Variants in ANO2 observed in about 807,000 individuals in gnomAD.
The protein encoded by ANO2 is anoctamin-2.
ANO2 carries 101 observed loss-of-function variants against 124.2 expected under a neutral mutation model. The ratio of observed to expected loss-of-function variants is 0.81; its 90% CI spans 0.69 to 0.96. The LOEUF is 0.96. ANO2 is among the 40% of genes least tolerant of loss of function. The pLI is 0.00. For missense variants in ANO2, 1,293 were observed against 1,274.5 expected, an observed-to-expected ratio of 1.01 and a Z score of -0.22; for synonymous variants, 486 against 482.5, an observed-to-expected ratio of 1.01 and a Z score of -0.09.
At chr12:5,854,260 G>C (rs953740323) in intron 3 of ANO2, 119 bp from the exon 4 acceptor site, 1 of 897,188 alleles carries the variant, frequency 1.1e-6, no homozygotes, top group Non-Finnish European at 1.7e-6. Flanking sequence ...TCTCGTTTTC[G>C]TTCTCTTTAA....
At chr12:5,819,894 T>C (rs1953730019) in intron 7 of ANO2, among the ~76,000 whole-genome samples, 1 of 152,214 alleles carries the variant, frequency 6.6e-6, no homozygotes, top group African/African-American at 2.4e-5. Flanking sequence ...GTACCTACTG[T>C]AATGGACAGC....
intron 10 of ANO2, among the ~76,000 whole-genome samples, chr12:5,775,999 A>G (rs1256729032): frequency 6.6e-6 from 1 of 152,126 alleles, no homozygotes; most frequent in Non-Finnish European, 1.5e-5. Context: ...ATTGAGGGTG[A>G]AGATCTAGGC....
intron 3 of ANO2, among the ~76,000 whole-genome samples, chr12:5,896,859 C>A (rs368459220): frequency 9.9e-5 from 15 of 151,936 alleles, no homozygotes; most frequent in African/African-American, 3.4e-4. Context: ...AAGGGTAATT[C>A]GGGAAGAGTT....
At chr12:5,629,244 C>G (rs1945578007) in intron 16 of ANO2, among the ~76,000 whole-genome samples, 1 of 152,194 alleles carries the variant, frequency 6.6e-6, no homozygotes, top group Non-Finnish European at 1.5e-5. Flanking sequence ...AAGGAGGCAG[C>G]AAGCCAACAG....
In ANO2 at chr12:5,835,235, A is replaced by G. The variant is rs577080901; in HGVS notation, c.634-2632T>C. ...TTTACACGGGCTGGTTTGCTTGGAC[A>G]AAGGGGTTCTGACGGGCAATAGTGA... On this transcript the variant is annotated intron_variant, in intron 4 of 24. Coordinates refer to ENST00000682330, the MANE Select transcript of ANO2 (RefSeq NM_001364791.2). Among the ~76,000 whole-genome samples the G allele has an allele frequency of 2.0e-5, 3 of 152,322 alleles. No individual in the cohort carries two copies. The South Asian group carries it at 6.2e-4, about 32-fold the overall frequency.
At chr12:5,713,217 T>G (rs4930794) in intron 14 of ANO2, among the ~76,000 whole-genome samples, 131,632 of 152,146 alleles carry the variant, frequency 0.87, 57,185 homozygotes, top group East Asian at 0.95. Flanking sequence ...CCTGCCATGG[T>G]GCTCGTCGGG....
intron 10 of ANO2, among the ~76,000 whole-genome samples, chr12:5,773,248 T>C (rs1788864293): frequency 6.6e-6 from 1 of 152,222 alleles, no homozygotes; most frequent in Non-Finnish European, 1.5e-5. Context: ...TTTTTGTTGA[T>C]TTCCTGTAGT....
intron 16 of ANO2, among the ~76,000 whole-genome samples, chr12:5,628,662 C>A (rs528676263): frequency 1.5e-3 from 209 of 140,680 alleles, no homozygotes; most frequent in African/African-American, 4.9e-3. Flanking sequence ...ACAGGGTAAG[C>A]AGAGAGTGTG....
intron 3 of ANO2, among the ~76,000 whole-genome samples, chr12:5,889,966 C>T (rs1242278638): frequency 6.6e-6 from 1 of 152,050 alleles, no homozygotes; most frequent in Non-Finnish European, 1.5e-5. Flanking sequence ...TGTCTGTAGA[C>T]AAGCAAAAGC....
At chr12:5,692,162 C>T (rs973791135) in intron 14 of ANO2, among the ~76,000 whole-genome samples, 2 of 152,114 alleles carry the variant, frequency 1.3e-5, no homozygotes, top group African/African-American at 4.8e-5. Context: ...GCAAGAACTG[C>T]TGGGGATCTG....
chr12:5,568,766 G>A (rs763728096), intron 23 of ANO2, among the ~76,000 whole-genome samples: 28 of 152,124 alleles, frequency 1.8e-4, no homozygotes, highest in Non-Finnish European at 3.4e-4. Flanking sequence ...GCGACAGTTC[G>A]TGCTTTGGAG....
intron 19 of ANO2, among the ~76,000 whole-genome samples, chr12:5,603,944 C>CAAAAAA (rs63415160): frequency 2.3e-4 from 17 of 74,054 alleles, no homozygotes; most frequent in African/African-American, 2.9e-4. Flanking sequence ...GATTCCGTCT[C>CAAAAAA]AAAAAAAAAA....
intron 20 of ANO2, among the ~76,000 whole-genome samples, chr12:5,596,536 T>C (rs1943669946): frequency 2.0e-5 from 3 of 152,204 alleles, no homozygotes; most frequent in Admixed American, 2.0e-4. Context: ...GGTTTGGGGT[T>C]TGTTTTTCTT....
chr12:5,709,138 G>T lies in ANO2; in HGVS notation c.1545+23382C>A, dbSNP rs942185912. On this transcript the variant is annotated intron_variant, in intron 14 of 24. Transcript: ENST00000682330. ...CTTCAGGTTCACTTTTCCAAAAGCC[G>T]CCCCTTATGTACTACACCGAGTACA... Among the ~76,000 whole-genome samples the T allele has an allele frequency of 1.4e-4, 21 of 152,066 alleles. 1 individual carries two copies. The highest frequency in any genetic ancestry group is 2.9e-5 in the Non-Finnish European group (2 of 68,014).
At chr12:5,782,977 G>T (rs936974988) in intron 10 of ANO2, among the ~76,000 whole-genome samples, 1 of 152,170 alleles carries the variant, frequency 6.6e-6, no homozygotes, top group East Asian at 1.9e-4. Context: ...TAAATGGGGT[G>T]CCCAGAACAG....
intron 2 of ANO2, among the ~76,000 whole-genome samples, chr12:5,922,202 T>C (rs951815173): frequency 7.9e-5 from 12 of 152,130 alleles, no homozygotes; most frequent in African/African-American, 2.7e-4. Context: ...CCTCTCCCCG[T>C]GGGTGTTTCC....
intron 15 of ANO2, among the ~76,000 whole-genome samples, chr12:5,638,240 T>C (rs1433828154): frequency 2.1e-5 from 3 of 140,042 alleles, no homozygotes; most frequent in Non-Finnish European, 3.2e-5. Flanking sequence ...TCTTTTCCTT[T>C]TTTTTTTTTT....
chr12:5,676,040 G>T (rs1211422339), intron 14 of ANO2, among the ~76,000 whole-genome samples: 5 of 152,140 alleles, frequency 3.3e-5, no homozygotes, highest in Non-Finnish European at 7.3e-5. Flanking sequence ...ACAATTCTGG[G>T]CACCACTTTG....
intron 14 of ANO2, among the ~76,000 whole-genome samples, chr12:5,672,948 G>A (rs1948082474): frequency 6.6e-6 from 1 of 152,114 alleles, no homozygotes; most frequent in African/African-American, 2.4e-5. Context: ...AATAGGTAAT[G>A]TATTCCTACG....
Sources: allele counts gnomAD v4.1 joint callset (sites outside exome capture counted in the v4.1 genomes callset), GRCh38; gene constraint gnomAD v4.1.1; transcripts MANE v1.5; gene names NCBI Gene and HGNC (gene_info 2026-07-23, HGNC 2026-07-21).